CUBN: variants seen among roughly 807,000 people sequenced by gnomAD.
The protein encoded by CUBN is 460 kDa receptor.
CUBN carries 282 observed loss-of-function variants against 405.3 expected under a neutral mutation model. That is an observed-to-expected ratio of 0.70 (90% CI 0.63 to 0.77). CUBN has a LOEUF of 0.77. Ranked by LOEUF, CUBN falls within the 30% of genes least tolerant of loss-of-function variation. The pLI, the probability that CUBN is intolerant of heterozygous loss-of-function variation, is 0.00. For synonymous variants in CUBN, 1,684 were observed against 1,617.0 expected (o/e 1.04, Z -0.99); for missense variants, 4,514 against 4,475.2 (o/e 1.01, Z -0.25).
chr10:16,877,813 G>C (rs931734015), intron 56 of CUBN, among the ~76,000 whole-genome samples: 3 of 152,086 alleles, frequency 2.0e-5, no homozygotes, highest in Non-Finnish European at 4.4e-5. Context: ...AAATTAAAAA[G>C]ATATGTGTCC....
chr10:16,865,287 A>G (rs922780223), intron 59 of CUBN, among the ~76,000 whole-genome samples: 1 of 152,042 alleles, frequency 6.6e-6, no homozygotes, highest in Non-Finnish European at 1.5e-5. Flanking sequence ...ACATATTTAT[A>G]CATTTGTTGG....
chr10:16,889,692 A>C (rs933153850), intron 55 of CUBN, among the ~76,000 whole-genome samples: 29 of 151,982 alleles, frequency 1.9e-4, no homozygotes, highest in African/African-American at 6.8e-4. Flanking sequence ...TCAAGAGATC[A>C]AGATCATCCT....
In CUBN at chr10:17,059,260, A is replaced by G. The variant is rs188621325; in HGVS notation, c.3139+6248T>C. ...ACATTTTCAAATAAGTTTTTGTAACACAGGACTTGGCTCATTATCAAAGGG... is the reference window on the plus strand; with the variant it reads ...ACATTTTCAAATAAGTTTTTGTAACGCAGGACTTGGCTCATTATCAAAGGG... On this transcript the variant is annotated intron_variant, in intron 22 of 66. Coordinates refer to ENST00000377833, the MANE Select transcript of CUBN (RefSeq NM_001081.4). Among the ~76,000 whole-genome samples, 76 of 152,260 alleles carry G rather than the reference A, an allele frequency of 5.0e-4. 1 individual carries two copies. The highest frequency in any genetic ancestry group is 6.8e-3 in the Middle Eastern group (2 of 294).
rs1204484134 is a variant in CUBN at position 16,907,655 on chromosome 10, A to G, written c.7558T>C (p.Ser2520Pro). Residue 2520 changes from serine to proline, a missense_variant, in exon 49 of 67, where the codon TCA becomes CCA. By Grantham distance (74) the Ser-to-Pro change is moderately conservative (BLOSUM62 -1). Around this residue, in one of 5 missense-constraint regions of CUBN, gnomAD observed 1,613 missense variants for 1,542.8 expected, o/e 1.05. Coordinates refer to ENST00000377833, the MANE Select transcript of CUBN (RefSeq NM_001081.4). ...CTACACAGTTTCTCTAGCTGGGGTG[A>G]GTTACTTCTAATGCCATTGAATACC... ...VIVFNGIRSN[S>P]PQLEKLCSSV... 1 of 1,612,300 alleles carries G rather than the reference A, an allele frequency of 6.2e-7. No individual in the cohort carries two copies. Among genetic ancestry groups the G allele is most frequent in the Non-Finnish European group, 8.5e-7 (1 of 1,179,940 alleles).
chr10:17,065,929 A>G (rs1030991891), intron 21 of CUBN, among the ~76,000 whole-genome samples: 1 of 152,136 alleles, frequency 6.6e-6, no homozygotes, highest in African/African-American at 2.4e-5. Context: ...ATATTAATAC[A>G]CTTTTTAATA....
At chr10:16,892,761 T>C (rs187321512) in intron 54 of CUBN, among the ~76,000 whole-genome samples, 18 of 152,254 alleles carry the variant, frequency 1.2e-4, no homozygotes, top group African/African-American at 4.1e-4. Context: ...CCAAAAGTGC[T>C]GGGATTACAG....
At chr10:16,854,354 G>T (rs1489083272) in intron 59 of CUBN, among the ~76,000 whole-genome samples, 1 of 152,182 alleles carries the variant, frequency 6.6e-6, no homozygotes, top group Non-Finnish European at 1.5e-5. Flanking sequence ...TTCAATGCTG[G>T]ATTATACAGA....
intron 28 of CUBN, among the ~76,000 whole-genome samples, chr10:17,002,441 G>T (rs1833918776): frequency 7.0e-6 from 1 of 143,500 alleles, no homozygotes; most frequent in South Asian, 2.3e-4. Context: ...GAAGGTCATG[G>T]TGGTTTGAGG....
In CUBN at chr10:16,948,543, C is replaced by T. The variant is rs1842843650; in HGVS notation, c.5144G>A (p.Arg1715Lys). ...ITSFSSALTLRFVSDSSISAG... is the reference protein window; with the variant it reads ...ITSFSSALTLKFVSDSSISAG... ...ACTGATGCTAGAATCAGAGACGAAT[C>T]TCAGCGTCAGGGCGCTGCTGAAGGA... The change falls in exon 35 of 67, where the codon AGA becomes AAA. Residue 1715 changes from arginine to lysine, a missense_variant. Transcript: ENST00000377833. The T allele has an allele frequency of 1.9e-6, 3 of 1,613,972 alleles. No individual in the cohort carries two copies. The highest frequency in any genetic ancestry group is 3.3e-5 in the Admixed American group (2 of 59,996).
At position 16,941,972 on chromosome 10, in the gene CUBN, T is replaced by C. The variant is rs148279580; in HGVS notation, c.5343-1735A>G. Among the ~76,000 whole-genome samples, 165 of 151,924 alleles carry C rather than the reference T, an allele frequency of 1.1e-3. 1 individual carries two copies. Among genetic ancestry groups the C allele is most frequent in the African/African-American group, 3.8e-3 (156 of 41,430 alleles). The stretch of plus-strand genomic sequence containing the variant: ...ATATAAAAGGAATTCCTACAGATAA[T>C]GAAAAAACAACCAAATTAAAAGTGG... On this transcript the variant is annotated intron_variant, in intron 36 of 66. Coordinates refer to ENST00000377833, the MANE Select transcript of CUBN (RefSeq NM_001081.4).
chr10:17,018,927 T>A (rs1484685752), intron 28 of CUBN, among the ~76,000 whole-genome samples: 3 of 152,096 alleles, frequency 2.0e-5, no homozygotes, highest in Non-Finnish European at 2.9e-5. Flanking sequence ...GACAGAAAAG[T>A]TCTCCAAGTC....
chr10:16,984,305 C>A (rs1198208864), intron 29 of CUBN, 26 bp from the exon 30 acceptor site: 1 of 1,610,968 alleles, frequency 6.2e-7, no homozygotes. Context: ...GGAAAAAAGA[C>A]TTTAAAAAAT....
intron 36 of CUBN, among the ~76,000 whole-genome samples, chr10:16,945,767 C>CAA (rs61141075): frequency 6.6e-4 from 54 of 81,258 alleles, no homozygotes; most frequent in Admixed American, 1.9e-3. Context: ...ACTGTGTCTC[C>CAA]AAAAAAAAAA....
chr10:17,102,252 C>CT (rs201370313), intron 13 of CUBN, among the ~76,000 whole-genome samples: 35 of 145,016 alleles, frequency 2.4e-4, no homozygotes, highest in Non-Finnish European at 4.3e-4. Context: ...GGAGGATCCT[C>CT]CTATTTATTT....
chr10:17,031,572 T>C (rs1834789354), intron 27 of CUBN, among the ~76,000 whole-genome samples: 1 of 152,184 alleles, frequency 6.6e-6, no homozygotes, highest in South Asian at 2.1e-4. Context: ...GCACATTCTA[T>C]CATATGTCTG....
At chr10:16,921,035 G>A (rs1450273416) in intron 43 of CUBN, among the ~76,000 whole-genome samples, 2 of 152,112 alleles carry the variant, frequency 1.3e-5, no homozygotes, top group East Asian at 1.9e-4. Context: ...TACCAACTCC[G>A]TGGTTGTGTT....
At chr10:17,106,955 A>C (rs1836648360) in intron 10 of CUBN, among the ~76,000 whole-genome samples, 2 of 152,216 alleles carry the variant, frequency 1.3e-5, no homozygotes, top group African/African-American at 4.8e-5. Context: ...GGACATCAAC[A>C]AAATACCAGC....
chr10:16,898,295 A>G (rs1206964065), intron 54 of CUBN, among the ~76,000 whole-genome samples: 1 of 152,132 alleles, frequency 6.6e-6, no homozygotes, highest in African/African-American at 2.4e-5. Flanking sequence ...TGAAGAAGGA[A>G]TCATGCTCTT....
At chr10:17,095,437 G>A (rs1273660338) in intron 14 of CUBN, among the ~76,000 whole-genome samples, 1 of 151,838 alleles carries the variant, frequency 6.6e-6, no homozygotes, top group Admixed American at 6.6e-5. Context: ...CTTAAAAATG[G>A]GCAAAGGATC....
Sources: gnomAD v4.1 joint callset for allele counts (sites outside exome capture counted in the v4.1 genomes callset) on GRCh38, gnomAD v4.1.1 for gene constraint, gnomAD v4.1.1 regional missense constraint, MANE v1.5 for transcripts, NCBI Gene and HGNC (gene_info 2026-07-23, HGNC 2026-07-21) for gene names.